PDXDC1: variants seen among roughly 807,000 people sequenced by gnomAD.
PDXDC1 encodes the protein pyridoxal-dependent decarboxylase domain-containing protein 1.
In PDXDC1, 42 loss-of-function variants were observed where a neutral mutation model predicts 100.1. That is an observed-to-expected ratio of 0.42 (90% confidence interval 0.33 to 0.54). PDXDC1 has a LOEUF of 0.54. Among genes scored for constraint, PDXDC1 ranks in the 20% least tolerant of loss-of-function variants. The pLI, the probability that PDXDC1 is intolerant of heterozygous loss-of-function variation, is 0.10. For synonymous variants in PDXDC1, 260 were observed against 371.7 expected, an observed-to-expected ratio of 0.70 and a Z score of 3.46; for missense variants, 636 against 979.2, an observed-to-expected ratio of 0.65 and a Z score of 4.68.
chr16:14,983,067 C>G (rs1968365795), intron 1 of PDXDC1, among the ~76,000 whole-genome samples: 1 of 152,190 alleles, frequency 6.6e-6, no homozygotes, highest in Admixed American at 6.5e-5. Context: ...CCAAGGTCTT[C>G]TAATATGAGC....
chr16:15,125,780 C>G (rs1265041771), intron 16 of PDXDC1: 25 of 1,485,502 alleles, frequency 1.7e-5, no homozygotes, highest in Non-Finnish European at 2.2e-5. Flanking sequence ...TGCTGCCCGG[C>G]AGGTGTGGGG....
At chr16:15,040,635 A>G (rs1305452388), downstream of PDXDC1, among the ~76,000 whole-genome samples, 9 of 152,064 alleles carry the variant, frequency 5.9e-5, no homozygotes, top group Non-Finnish European at 1.3e-4. Context: ...AGAGTTTTAC[A>G]CTTTGGAGGA....
At chr16:15,066,819 C>G (rs1164500434) in intron 16 of PDXDC1, among the ~76,000 whole-genome samples, 2 of 151,530 alleles carry the variant, frequency 1.3e-5, no homozygotes, top group African/African-American at 4.8e-5. Context: ...CTTTATTTAC[C>G]ATATCTGTAC....
chr16:15,144,136 C>CA (rs1387053453), downstream of PDXDC1, among the ~76,000 whole-genome samples: 1 of 152,194 alleles, frequency 6.6e-6, no homozygotes, highest in African/African-American at 2.4e-5. Flanking sequence ...AGAGGACCCC[C>CA]AGGCCCGTCC....
chr16:15,142,707 G>A (rs897653451), downstream of PDXDC1, among the ~76,000 whole-genome samples: 14 of 152,058 alleles, frequency 9.2e-5, no homozygotes, highest in Non-Finnish European at 2.1e-4. Flanking sequence ...CTGGGGGAAC[G>A]CCAAGGCCTA....
At position 15,037,513 on chromosome 16, in the gene PDXDC1, C is replaced by CCTATTTGGTGCAATGAAGT. The variant is rs1346579786; in HGVS notation, c.*1239_*1257dup. ...TGGTGCAGATGATTAAACAGTCTTC[C>CCTATTTGGTGCAATGAAGT]CTATTTGGTGCAATGAAGTATAGCA... is the stretch of plus-strand genomic sequence containing the variant. On this transcript the variant is annotated 3_prime_UTR_variant, in exon 23 of 23. Coordinates refer to ENST00000396410, the MANE Select transcript of PDXDC1 (RefSeq NM_015027.4). The CCTATTTGGTGCAATGAAGT allele has an allele frequency of 6.6e-6, 1 of 152,472 alleles. No homozygotes were observed. The highest frequency in any genetic ancestry group is 1.5e-5 in the Non-Finnish European group (1 of 68,488). 9.4% of individuals were successfully genotyped at this position (152,472 alleles called of 1,614,324 possible). A position where few individuals can be genotyped will look rare whatever the true frequency, so the allele number is the denominator to read the frequency against.
intron 12 of PDXDC1, among the ~76,000 whole-genome samples, chr16:15,020,609 A>G (rs2042118622): frequency 6.6e-6 from 1 of 151,500 alleles, no homozygotes; most frequent in Non-Finnish European, 1.5e-5. Flanking sequence ...GAATGGCGTG[A>G]ACCCAGAAGG....
At chr16:15,094,500 G>T in intron 16 of PDXDC1, 1 of 538,086 alleles carries the variant, frequency 1.9e-6, no homozygotes, top group Admixed American at 3.8e-5. Flanking sequence ...GGATCCCGAA[G>T]AAAGGGTGGA....
In PDXDC1 at chr16:15,038,215, A is replaced by AAAC; in HGVS notation, c.*1942_*1944dup. On this transcript the variant is annotated 3_prime_UTR_variant, in exon 23 of 23. Coordinates refer to ENST00000396410, the MANE Select transcript of PDXDC1 (RefSeq NM_015027.4). ...CAGAGGCGAAGTGGAAAGATTCTGA[A>AAAC]AACACAAGATGGTGGGCATTAGAGA... 1 of 1,611,344 alleles carries AAAC rather than the reference A, an allele frequency of 6.2e-7. No individual in the cohort carries two copies. The highest frequency in any genetic ancestry group is 1.1e-5 in the South Asian group (1 of 90,562).
chr16:15,065,015 A>G (rs1233380616), intron 16 of PDXDC1, among the ~76,000 whole-genome samples: 1 of 152,036 alleles, frequency 6.6e-6, no homozygotes, highest in Non-Finnish European at 1.5e-5. Flanking sequence ...AAATACAAAA[A>G]ATTAGCCAGG....
At chr16:15,086,273 G>A in intron 16 of PDXDC1, 1 of 1,562,634 alleles carries the variant, frequency 6.4e-7, no homozygotes, top group Non-Finnish European at 8.7e-7. Flanking sequence ...AGTGGGGGAA[G>A]AAAGATAAAA....
intron 13 of PDXDC1, among the ~76,000 whole-genome samples, chr16:15,025,049 CTTCT>C (rs1331647416): frequency 6.6e-6 from 1 of 152,288 alleles, no homozygotes; most frequent in African/African-American, 2.4e-5. Context: ...TCTGTTTCCT[CTTCT>C]TTGTGGATTC....
intron 16 of PDXDC1, among the ~76,000 whole-genome samples, chr16:15,074,273 T>A (rs1292975846): frequency 6.6e-6 from 1 of 152,156 alleles, no homozygotes. Context: ...TGGAAAAAAA[T>A]TCTGTTTTCG....
chr16:15,061,241 C>CA (rs1482025528), intron 16 of PDXDC1: 2 of 152,526 alleles, frequency 1.3e-5, no homozygotes, highest in Non-Finnish European at 2.9e-5. Flanking sequence ...AGACAAATAC[C>CA]AATACAGCAG....
chr16:15,131,060 C>T (rs752012573), intron 16 of PDXDC1: 44 of 1,587,812 alleles, frequency 2.8e-5, no homozygotes, highest in Middle Eastern at 4.5e-4. Context: ...GCCAGGGGGC[C>T]GCGTGTGCCT....
intron 1 of PDXDC1, among the ~76,000 whole-genome samples, chr16:14,981,993 T>A (rs1303169342): frequency 6.6e-6 from 1 of 152,286 alleles, no homozygotes; most frequent in East Asian, 1.9e-4. Flanking sequence ...CGCGCCCAGC[T>A]AATTTTTTGT....
At chr16:15,128,610 T>C (rs891515252) in intron 16 of PDXDC1, among the ~76,000 whole-genome samples, 1 of 151,962 alleles carries the variant, frequency 6.6e-6, no homozygotes, top group Non-Finnish European at 1.5e-5. Flanking sequence ...GAAAGAACTG[T>C]AACTTGTGAC....
Position 14,978,201 on chromosome 16 carries a change from A to C in PDXDC1, c.21+2981A>C, listed in dbSNP as rs199920561. Among the ~76,000 whole-genome samples, 20 of 152,414 alleles carry C rather than the reference A, an allele frequency of 1.3e-4. No individual in the cohort carries two copies. The East Asian group carries it at 3.7e-3, about 28-fold the overall frequency. ...GAGGAGGCAAAGGAAATTCAAACTT[A>C]GGAGAGTAGGAGTAGGGGCTTTGCC... On this transcript the variant is annotated intron_variant, in intron 1 of 22. Coordinates refer to ENST00000396410, the MANE Select transcript of PDXDC1 (RefSeq NM_015027.4).
chr16:15,032,612 C>T, intron 17 of PDXDC1: 1 of 359,798 alleles, frequency 2.8e-6, no homozygotes, highest in Admixed American at 5.0e-5. Flanking sequence ...CAAGATCATG[C>T]CACTGCACCC....
Sources: allele counts gnomAD v4.1 joint callset (sites outside exome capture counted in the v4.1 genomes callset), GRCh38; gene constraint gnomAD v4.1.1; transcripts MANE v1.5; gene names NCBI Gene and HGNC (gene_info 2026-07-23, HGNC 2026-07-21).